The following CPNE8 variants were observed in gnomAD, a reference collection of about 807,000 sequenced individuals.
CPNE8 encodes copine-8.
Under a neutral mutation model 81.5 loss-of-function variants are expected in CPNE8, and 45 were observed. That is an observed-to-expected ratio of 0.55 (90% CI 0.44 to 0.71). CPNE8 has a LOEUF of 0.71. Ranked by LOEUF, CPNE8 falls within the 30% of genes least tolerant of loss-of-function variation. The pLI, the probability that CPNE8 is intolerant of heterozygous loss-of-function variation, is 0.00. For missense variants in CPNE8, 594 were observed against 672.1 expected, an observed-to-expected ratio of 0.88 and a Z score of 1.28; for synonymous variants, 252 against 226.3, an observed-to-expected ratio of 1.11 and a Z score of -1.02.
intron 10 of CPNE8, among the ~76,000 whole-genome samples, chr12:38,731,060 C>T (rs1940819766): frequency 6.6e-6 from 1 of 151,840 alleles, no homozygotes; most frequent in African/African-American, 2.4e-5. Flanking sequence ...ACATGCTAAA[C>T]ATTCAGCAAT....
At chr12:38,783,670 G>A (rs115420423) in intron 6 of CPNE8, among the ~76,000 whole-genome samples, 1,975 of 152,294 alleles carry the variant, frequency 0.013, 49 homozygotes, top group African/African-American at 0.044. Context: ...TCAGAACAAA[G>A]AAAGAGAGAC....
At chr12:38,757,068 T>C (rs1294399218) in intron 10 of CPNE8, among the ~76,000 whole-genome samples, 1 of 152,196 alleles carries the variant, frequency 6.6e-6, no homozygotes, top group Non-Finnish European at 1.5e-5. Context: ...TTTAAAATTA[T>C]ATATGTGACT....
chr12:38,664,015 T>G (rs1237122005), intron 19 of CPNE8, among the ~76,000 whole-genome samples: 1 of 151,902 alleles, frequency 6.6e-6, no homozygotes, highest in Non-Finnish European at 1.5e-5. Context: ...GGTTAATGGA[T>G]ACAAAATTAC....
At chr12:38,817,697 C>T (rs1202071088) in intron 6 of CPNE8, among the ~76,000 whole-genome samples, 1 of 139,816 alleles carries the variant, frequency 7.2e-6, no homozygotes, top group East Asian at 2.1e-4. Flanking sequence ...GATCTCAGCT[C>T]ACTGCAAGCT....
At chr12:38,824,445 G>C (rs948370444) in intron 6 of CPNE8, among the ~76,000 whole-genome samples, 1 of 151,942 alleles carries the variant, frequency 6.6e-6, no homozygotes, top group Non-Finnish European at 1.5e-5. Flanking sequence ...CAATTTTACA[G>C]TTATCATAAA....
intron 1 of CPNE8, among the ~76,000 whole-genome samples, chr12:38,878,903 T>C (rs184781731): frequency 1.2e-3 from 182 of 152,250 alleles, no homozygotes; most frequent in African/African-American, 4.1e-3. Flanking sequence ...TAAACAGCAA[T>C]ATAGGATGGT....
intron 10 of CPNE8, among the ~76,000 whole-genome samples, chr12:38,743,092 T>C (rs1684420): frequency 0.81 from 122,543 of 151,990 alleles, 52,374 homozygotes; most frequent in Middle Eastern, 0.97. Flanking sequence ...TCTAAAATCT[T>C]ACATTAATTT....
At chr12:38,817,796 C>A (rs546102977) in intron 6 of CPNE8, among the ~76,000 whole-genome samples, 2 of 151,452 alleles carry the variant, frequency 1.3e-5, no homozygotes, top group South Asian at 4.2e-4. Context: ...GCTAATTTTT[C>A]GTATTTTTAG....
At chr12:38,829,601 C>T in intron 5 of CPNE8, 146 bp from the exon 6 acceptor site, 2 of 589,258 alleles carry the variant, frequency 3.4e-6, no homozygotes, top group South Asian at 2.7e-5. Context: ...GCTCAATATG[C>T]ATTAATCTTA....
intron 14 of CPNE8, among the ~76,000 whole-genome samples, chr12:38,694,980 AC>A (rs1000358747): frequency 6.6e-6 from 1 of 152,198 alleles, no homozygotes; most frequent in African/African-American, 2.4e-5. Context: ...AATTAATTGA[AC>A]TTTTTTTTAT....
intron 7 of CPNE8, among the ~76,000 whole-genome samples, chr12:38,770,982 T>C (rs1941788120): frequency 6.6e-6 from 1 of 152,188 alleles, no homozygotes; most frequent in Admixed American, 6.5e-5. Flanking sequence ...AAACTATGTG[T>C]TCATTAAAAA....
intron 1 of CPNE8, among the ~76,000 whole-genome samples, chr12:38,893,234 G>T (rs1366212236): frequency 6.6e-6 from 1 of 152,186 alleles, no homozygotes; most frequent in South Asian, 2.1e-4. Flanking sequence ...GCTGAGACCT[G>T]CTGGGCTGCA....
At chr12:38,835,442 G>A (rs1347142648) in intron 5 of CPNE8, among the ~76,000 whole-genome samples, 1 of 152,070 alleles carries the variant, frequency 6.6e-6, no homozygotes, top group African/African-American at 2.4e-5. Flanking sequence ...ATCACTTATT[G>A]TATTCATGTT....
intron 15 of CPNE8, 177 bp from the exon 16 acceptor site, chr12:38,685,794 A>G: frequency 2.0e-6 from 1 of 497,864 alleles, no homozygotes; most frequent in East Asian, 3.6e-5. Flanking sequence ...TCAACAATCG[A>G]TTATGATATA....
chr12:38,678,303 G>A (rs1939336770), intron 16 of CPNE8, among the ~76,000 whole-genome samples: 1 of 151,896 alleles, frequency 6.6e-6, no homozygotes, highest in Non-Finnish European at 1.5e-5. Context: ...ATAATACTCA[G>A]TAATTTAGAG....
intron 19 of CPNE8, among the ~76,000 whole-genome samples, chr12:38,668,885 TAAA>T (rs1228359443): frequency 6.6e-6 from 1 of 151,376 alleles, no homozygotes; most frequent in South Asian, 2.1e-4. Context: ...CCATCTCTAC[TAAA>T]AAAATACAAA....
chr12:38,658,422 G>C (rs1161726302), intron 19 of CPNE8, among the ~76,000 whole-genome samples: 5 of 152,188 alleles, frequency 3.3e-5, no homozygotes, highest in Admixed American at 6.5e-5. Context: ...ATCTACGTTT[G>C]ATTGGTGTAC....
At chr12:38,777,596 T>C (rs535087480) in intron 6 of CPNE8, among the ~76,000 whole-genome samples, 5 of 152,314 alleles carry the variant, frequency 3.3e-5, no homozygotes, top group African/African-American at 9.6e-5. Context: ...TCCATTCCTG[T>C]AAGCTTCATT....
rs191449544 is a variant in CPNE8, at chr12:38,797,004, G to A, written c.408-20703C>T. Among the ~76,000 whole-genome samples, 173 of 152,252 alleles carry A rather than the reference G, an allele frequency of 1.1e-3. 1 individual carries two copies. Among genetic ancestry groups the A allele is most frequent in the African/African-American group, 3.6e-3 (151 of 41,552 alleles). ...CAGCAAGGCTGGGGGACGGGTGCCCGCCATTGCCCAGGCTTGCTTAGGTAA... is the reference window on the plus strand; with the variant it reads ...CAGCAAGGCTGGGGGACGGGTGCCCACCATTGCCCAGGCTTGCTTAGGTAA... On this transcript the variant is annotated intron_variant, in intron 6 of 19. Coordinates refer to ENST00000331366, the MANE Select transcript of CPNE8 (RefSeq NM_153634.3).
Sources: gnomAD v4.1 joint callset for allele counts (sites outside exome capture counted in the v4.1 genomes callset) on GRCh38, gnomAD v4.1.1 for gene constraint, MANE v1.5 for transcripts, NCBI Gene and HGNC (gene_info 2026-07-23, HGNC 2026-07-21) for gene names.